The following GABARAPL2 variants were observed in gnomAD, a reference collection of about 807,000 sequenced individuals.
GABARAPL2 encodes the protein gamma-aminobutyric acid receptor-associated protein-like 2.
GABARAPL2 carries 11 observed loss-of-function variants against 16.9 expected under a neutral mutation model. The ratio of observed to expected loss-of-function variants is 0.65; its 90% CI spans 0.41 to 1.08. GABARAPL2 has a LOEUF of 1.08. Among genes scored for constraint, GABARAPL2 ranks in the 50% least tolerant of loss-of-function variants. The pLI is 0.00. For missense variants in GABARAPL2, 134 were observed against 142.5 expected (o/e 0.94, Z 0.30); for synonymous variants, 57 against 50.7 (o/e 1.12, Z -0.53).
chr16:75,566,456 G>A lies in GABARAPL2; in HGVS notation c.-31G>A. ...GGTGCGCTGAGCTCCGCGGCTCCGCGAGCCGGTTCCGTCCCCTTCCCGCCG... is the reference window on the plus strand; with the variant it reads ...GGTGCGCTGAGCTCCGCGGCTCCGCAAGCCGGTTCCGTCCCCTTCCCGCCG... On this transcript the variant is annotated 5_prime_UTR_variant, in exon 1 of 4. Transcript: ENST00000037243. 6.4e-7 allele frequency: 1 copy of A among 1,568,602 alleles called. No homozygotes were observed. Among genetic ancestry groups the A allele is most frequent in the Admixed American group, 1.7e-5 (1 of 59,024 alleles).
chr16:75,570,910 G>A (rs1015060071), intron 3 of GABARAPL2, among the ~76,000 whole-genome samples: 1 of 152,088 alleles, frequency 6.6e-6, no homozygotes, highest in Non-Finnish European at 1.5e-5. Flanking sequence ...CAGAACTTCA[G>A]AAAAAACATC....
chr16:75,567,511 C>T (rs2080891333), intron 2 of GABARAPL2, among the ~76,000 whole-genome samples: 1 of 152,114 alleles, frequency 6.6e-6, no homozygotes, highest in South Asian at 2.1e-4. Context: ...TAGCTCTTTG[C>T]TTGTGAATAA....
At chr16:75,575,281 T>G (rs1368456832) in intron 3 of GABARAPL2, among the ~76,000 whole-genome samples, 1 of 150,624 alleles carries the variant, frequency 6.6e-6, no homozygotes, top group African/African-American at 2.4e-5. Context: ...ATTAAAAAAA[T>G]AAAAACAGTT....
At position 75,577,445 on chromosome 16, in the gene GABARAPL2, CA is replaced by C. The variant is rs2080956834; in HGVS notation, c.*77del. 5 of 851,690 alleles carry C rather than the reference CA, an allele frequency of 5.9e-6. No homozygotes were observed. The highest frequency in any genetic ancestry group is 1.7e-5 in the African/African-American group (1 of 60,340). The allele number at this position is 851,690 out of a possible 1,614,324, so 52.8% of individuals were successfully genotyped here. On this transcript the variant is annotated 3_prime_UTR_variant, in exon 4 of 4. Transcript: ENST00000037243. ...AGCCAGCCATTTTCAGTTATTATAC[CA>C]GAACCTCTTCACATAGACCTATTAG...
chr16:75,575,179 C>T (rs2080940398), intron 3 of GABARAPL2, among the ~76,000 whole-genome samples: 1 of 152,156 alleles, frequency 6.6e-6, no homozygotes, highest in Admixed American at 6.5e-5. Context: ...CCTCCCTCTA[C>T]CCACTGCCCC....
chr16:75,575,112 TTAAAG>T (rs1383975563), intron 3 of GABARAPL2, among the ~76,000 whole-genome samples: 2 of 152,040 alleles, frequency 1.3e-5, no homozygotes, highest in Admixed American at 6.6e-5. Flanking sequence ...AAAGCTCTCT[TTAAAG>T]TAAGATTCTG....
chr16:75,567,908 CAT>C (rs141659831), intron 2 of GABARAPL2, 127 bp from the exon 3 acceptor site: 1 of 616,592 alleles, frequency 1.6e-6, no homozygotes, highest in African/African-American at 1.8e-5. Context: ...AAGCCAAAGA[CAT>C]ATTTTCTCCT....
chr16:75,566,602 G>T (rs1416277594), intron 1 of GABARAPL2, 82 bp downstream of exon 1: 1 of 1,485,648 alleles, frequency 6.7e-7, no homozygotes, highest in Non-Finnish European at 9.3e-7. Flanking sequence ...GCCCTGGGCC[G>T]AGTGGAGCGG....
intron 3 of GABARAPL2, among the ~76,000 whole-genome samples, chr16:75,574,056 A>G (rs546986571): frequency 2.6e-5 from 4 of 152,350 alleles, no homozygotes; most frequent in African/African-American, 7.2e-5. Flanking sequence ...AGTTTTACTT[A>G]AAAGACAATG....
Position 75,566,402 on chromosome 16 carries a change from C to A in GABARAPL2, c.-85C>A. ...GTAGTCGCCGCCGTCGCTGCCGCTG[C>A]CGCTGCCGCCGTCGTTGTTGTTGTG... On this transcript the variant is annotated 5_prime_UTR_variant, in exon 1 of 4. Transcript: ENST00000037243. 1.9e-6 allele frequency: 2 copies of A among 1,041,478 alleles called. No homozygotes were observed. The highest frequency in any genetic ancestry group is 2.0e-5 in the Admixed American group (1 of 49,104). 64.5% of individuals were successfully genotyped at this position (1,041,478 alleles called of 1,614,324 possible).
At chr16:75,570,715 A>G (rs970867702) in intron 3 of GABARAPL2, among the ~76,000 whole-genome samples, 2 of 152,214 alleles carry the variant, frequency 1.3e-5, no homozygotes, top group African/African-American at 4.8e-5. Flanking sequence ...TATTGATTCT[A>G]TAAATAGAGA....
At chr16:75,572,970 G>T (rs969876144) in intron 3 of GABARAPL2, among the ~76,000 whole-genome samples, 4 of 152,218 alleles carry the variant, frequency 2.6e-5, no homozygotes, top group Non-Finnish European at 5.9e-5. Flanking sequence ...TGGAGCTGCA[G>T]TGCTACTTGC....
chr16:75,574,932 C>G (rs2080939138), intron 3 of GABARAPL2, among the ~76,000 whole-genome samples: 1 of 152,010 alleles, frequency 6.6e-6, no homozygotes, highest in Non-Finnish European at 1.5e-5. Flanking sequence ...ACTTGGGAGG[C>G]TAAGACATGA....
chr16:75,570,789 G>C (rs1435761718), intron 3 of GABARAPL2, among the ~76,000 whole-genome samples: 1 of 152,110 alleles, frequency 6.6e-6, no homozygotes, highest in East Asian at 1.9e-4. Context: ...AAAAAAGAGG[G>C]AATCACAATG....
chr16:75,577,037 C>T (rs2080953742), intron 3 of GABARAPL2: 4 of 402,502 alleles, frequency 9.9e-6, no homozygotes, highest in Non-Finnish European at 1.8e-5. Context: ...AGCCAAAGCC[C>T]CCTGAAGGAG....
chr16:75,568,402 T>C, intron 3 of GABARAPL2, 193 bp downstream of exon 3: 1 of 442,028 alleles, frequency 2.3e-6, no homozygotes, highest in East Asian at 3.2e-5. Context: ...ATTCAGAAAA[T>C]AGAACAAGGC....
intron 3 of GABARAPL2, 100 bp from the exon 4 acceptor site, chr16:75,577,179 G>T: frequency 1.3e-6 from 1 of 751,950 alleles, no homozygotes; most frequent in South Asian, 1.5e-5. Context: ...AGCAGGTACT[G>T]ACACCTGAAG....
In GABARAPL2 at chr16:75,568,085, C is replaced by G. The variant is rs147088769; in HGVS notation, c.139C>G (p.Arg47Gly). 2 of 1,610,218 alleles carry G rather than the reference C, an allele frequency of 1.2e-6. No individual in the cohort carries two copies. The highest frequency in any genetic ancestry group is 1.7e-6 in the Non-Finnish European group (2 of 1,176,678). Residue 47 changes from arginine (R) to glycine (G), a missense_variant, in exon 3 of 4, where the codon CGG (arginine) becomes GGG (glycine). Arg to Gly is a moderately radical substitution (Grantham distance 125, BLOSUM62 -2). Transcript: ENST00000037243. ...SGSQIVDIDKRKYLVPSDITV... is the reference protein window; with the variant it reads ...SGSQIVDIDKGKYLVPSDITV... ...CTCTCAGATTGTTGACATTGACAAA[C>G]GGAAGTACTTGGTTCCATCTGATAT...
At position 75,568,091 on chromosome 16, in the gene GABARAPL2, T is replaced by C; in HGVS notation, c.145T>C (p.Tyr49His). Residue 49 changes from tyrosine to histidine, a missense_variant, in exon 3 of 4, where the codon TAC (tyrosine) becomes CAC (histidine). By Grantham distance (83) the Tyr-to-His change is moderately conservative. Coordinates refer to ENST00000037243, the MANE Select transcript of GABARAPL2 (RefSeq NM_007285.7). ...SQIVDIDKRK[Y>H]LVPSDITVAQ... Reference sequence around the variant, plus strand: ...GATTGTTGACATTGACAAACGGAAGTACTTGGTTCCATCTGATATCACTGT... The same window carrying C: ...GATTGTTGACATTGACAAACGGAAGCACTTGGTTCCATCTGATATCACTGT... The C allele has an allele frequency of 6.2e-7, 1 of 1,610,868 alleles. No individual in the cohort carries two copies. The highest frequency in any genetic ancestry group is 8.5e-7 in the Non-Finnish European group (1 of 1,177,174).
Sources: allele counts gnomAD v4.1 joint callset (sites outside exome capture counted in the v4.1 genomes callset), GRCh38; gene constraint gnomAD v4.1.1; transcripts MANE v1.5; gene names NCBI Gene and HGNC (gene_info 2026-07-23, HGNC 2026-07-21).